The following FAF1 variants were observed in gnomAD, a reference collection of about 807,000 sequenced individuals.
The protein encoded by FAF1 is Fas associated factor 1.
In FAF1, 25 loss-of-function variants were observed where a neutral mutation model predicts 92.5. The observed-to-expected ratio is 0.27, with a 90% CI of 0.20 to 0.38. The LOEUF (loss-of-function observed/expected upper bound fraction) is 0.38, where lower values mean the gene tolerates loss of function less well. FAF1 is among the 10% of genes least tolerant of loss of function. The probability of loss-of-function intolerance (pLI) is 1.00; values close to 1 mark genes in which losing one functional copy is unlikely to be tolerated. For missense variants in FAF1, 636 were observed against 793.3 expected (o/e 0.80, Z 2.38); for synonymous variants, 234 against 273.2 (o/e 0.86, Z 1.42).
At chr1:50,767,519 T>A (rs1350121174) in intron 4 of FAF1, among the ~76,000 whole-genome samples, 1 of 152,114 alleles carries the variant, frequency 6.6e-6, no homozygotes, top group Non-Finnish European at 1.5e-5. Context: ...GTCTTCAGAT[T>A]CTTAAAGGTC....
intron 4 of FAF1, among the ~76,000 whole-genome samples, chr1:50,762,495 T>C (rs1230502951): frequency 6.6e-6 from 1 of 151,630 alleles, no homozygotes; most frequent in South Asian, 2.1e-4. Flanking sequence ...AACAGAGATA[T>C]AGATCAATGG....
chr1:50,938,492 T>C (rs573648471), intron 1 of FAF1, among the ~76,000 whole-genome samples: 67 of 152,332 alleles, frequency 4.4e-4, no homozygotes, highest in African/African-American at 1.6e-3. Context: ...ACAATCTGCA[T>C]AGACTTGCAA....
intron 2 of FAF1, among the ~76,000 whole-genome samples, chr1:50,819,778 C>CATAT (rs1280493582): frequency 3.3e-5 from 1 of 30,438 alleles, no homozygotes; most frequent in Non-Finnish European, 7.4e-5. Flanking sequence ...TATATATATA[C>CATAT]ATATATATAC....
intron 4 of FAF1, among the ~76,000 whole-genome samples, chr1:50,746,263 TA>T (rs1557506386): frequency 2.4e-4 from 5 of 21,058 alleles, no homozygotes; most frequent in African/African-American, 1.1e-3. Flanking sequence ...TATATATATA[TA>T]TATATATATA....
At chr1:50,597,554 A>G (rs1041510137) in intron 8 of FAF1, among the ~76,000 whole-genome samples, 1 of 152,174 alleles carries the variant, frequency 6.6e-6, no homozygotes, top group Non-Finnish European at 1.5e-5. Context: ...TTTTAAGTAT[A>G]TGTGTCCAAT....
At chr1:50,848,370 T>C (rs910787499) in intron 2 of FAF1, among the ~76,000 whole-genome samples, 3 of 152,222 alleles carry the variant, frequency 2.0e-5, no homozygotes, top group African/African-American at 7.2e-5. Context: ...AGCAGTATTA[T>C]TACCTAACTG....
chr1:50,821,657 A>G (rs974016554), intron 2 of FAF1, among the ~76,000 whole-genome samples: 9 of 152,298 alleles, frequency 5.9e-5, no homozygotes, highest in Admixed American at 1.3e-4. Flanking sequence ...TCTCCTGGTA[A>G]AACGGAAGTG....
intron 16 of FAF1, among the ~76,000 whole-genome samples, chr1:50,490,958 C>A (rs41292141): frequency 0.048 from 7,317 of 152,172 alleles, 212 homozygotes; most frequent in East Asian, 0.074. Flanking sequence ...ATCCTTTGGT[C>A]TTCCTTTCTG....
chr1:50,872,093 A>G (rs944677140), intron 1 of FAF1, among the ~76,000 whole-genome samples: 1 of 151,976 alleles, frequency 6.6e-6, no homozygotes. Flanking sequence ...GAAAAAGAAA[A>G]TACATTTCAT....
chr1:50,892,987 G>A (rs1644731593), intron 1 of FAF1, among the ~76,000 whole-genome samples: 1 of 152,114 alleles, frequency 6.6e-6, no homozygotes, highest in African/African-American at 2.4e-5. Flanking sequence ...GACTTAAAAT[G>A]CATTCTTGAG....
intron 1 of FAF1, among the ~76,000 whole-genome samples, chr1:50,913,991 G>A (rs1200055296): frequency 6.6e-6 from 1 of 152,150 alleles, no homozygotes; most frequent in Non-Finnish European, 1.5e-5. Context: ...ATGTAAAAAT[G>A]TCTATCTCTT....
At chr1:50,747,774 A>G (rs1659687092) in intron 4 of FAF1, among the ~76,000 whole-genome samples, 1 of 152,174 alleles carries the variant, frequency 6.6e-6, no homozygotes, top group African/African-American at 2.4e-5. Flanking sequence ...GTCTGGTAGG[A>G]GGTGACTGAA....
intron 1 of FAF1, among the ~76,000 whole-genome samples, chr1:50,910,706 G>A (rs1570130137): frequency 6.6e-6 from 1 of 151,908 alleles, no homozygotes; most frequent in East Asian, 1.9e-4. Context: ...TTAATCTGGT[G>A]TGCCGTTCGC....
At position 50,604,517 on chromosome 1, in the gene FAF1, T is replaced by C. The variant is rs145232772; in HGVS notation, c.745-8301A>G. Among the ~76,000 whole-genome samples, 120 of 152,290 alleles carry C rather than the reference T, an allele frequency of 7.9e-4. No individual in the cohort carries two copies. In the East Asian group the frequency reaches 0.02, roughly 25 times the overall value. On this transcript the variant is annotated intron_variant, in intron 8 of 18. Coordinates refer to ENST00000396153, the MANE Select transcript of FAF1 (RefSeq NM_007051.3). ...ATCTCGGTTTTTCTTTTTCTTCTTT[T>C]TTTGTTTTTTGAGACAGTCTTGCTT...
chr1:50,585,579 C>T (rs1225266152), intron 9 of FAF1, among the ~76,000 whole-genome samples: 4 of 152,048 alleles, frequency 2.6e-5, no homozygotes, highest in African/African-American at 9.7e-5. Flanking sequence ...TTGGACTGGG[C>T]TGTAAATACT....
chr1:50,846,524 G>T, intron 2 of FAF1: 1 of 497,874 alleles, frequency 2.0e-6, no homozygotes. Context: ...CCAGACTGCT[G>T]CTGCTTTGAA....
At chr1:50,942,978 C>T (rs950333491) in intron 1 of FAF1, among the ~76,000 whole-genome samples, 2 of 152,126 alleles carry the variant, frequency 1.3e-5, no homozygotes, top group African/African-American at 4.8e-5. Flanking sequence ...TCTGGGGAAA[C>T]ACTATCTAGT....
intron 1 of FAF1, among the ~76,000 whole-genome samples, chr1:50,956,292 A>G (rs912460880): frequency 6.6e-6 from 1 of 152,150 alleles, no homozygotes; most frequent in Admixed American, 6.5e-5. Context: ...TCTGAGCTGT[A>G]ATCTTCCACC....
At chr1:50,620,670 G>A (rs1049592555) in intron 8 of FAF1, among the ~76,000 whole-genome samples, 1 of 152,204 alleles carries the variant, frequency 6.6e-6, no homozygotes, top group Non-Finnish European at 1.5e-5. Context: ...CTTTATGTGT[G>A]GGTGAATTCT....
Sources: allele counts gnomAD v4.1 joint callset (sites outside exome capture counted in the v4.1 genomes callset), GRCh38; gene constraint gnomAD v4.1.1; transcripts MANE v1.5; gene names NCBI Gene and HGNC (gene_info 2026-07-23, HGNC 2026-07-21).